The following PARN variants were observed in gnomAD, a reference collection of about 807,000 sequenced individuals.
PARN encodes poly(A)-specific ribonuclease PARN.
PARN carries 71 observed loss-of-function variants against 102.8 expected under a neutral mutation model. That is an observed-to-expected ratio of 0.69 (90% confidence interval 0.57 to 0.84). The LOEUF (loss-of-function observed/expected upper bound fraction) is 0.84, where lower values mean the gene tolerates loss of function less well. Ranked by LOEUF, PARN falls within the 40% of genes least tolerant of loss-of-function variation. The pLI, the probability that PARN is intolerant of heterozygous loss-of-function variation, is 0.00. For synonymous variants in PARN, 261 were observed against 252.9 expected, an observed-to-expected ratio of 1.03 and a Z score of -0.30; for missense variants, 782 against 760.9, an observed-to-expected ratio of 1.03 and a Z score of -0.33.
intron 23 of PARN, 35 bp from the exon 24 acceptor site, chr16:14,436,807 G>C (rs1408385767): frequency 4.0e-6 from 6 of 1,492,664 alleles, no homozygotes; most frequent in Non-Finnish European, 3.7e-6. Flanking sequence ...TGAACAGCAG[G>C]ACCAGGACGG....
intron 22 of PARN, among the ~76,000 whole-genome samples, chr16:14,451,867 T>TAAAAAAAAAAAAAAAAA (rs1567287329): frequency 8.4e-5 from 2 of 23,744 alleles, no homozygotes; most frequent in African/African-American, 1.9e-4. Context: ...AAAAAAAAAA[T>TAAAAAAAAAAAAAAAAA]ACAAAAAAAA....
chr16:14,581,869 C>T (rs957286354), intron 17 of PARN, among the ~76,000 whole-genome samples: 2 of 152,198 alleles, frequency 1.3e-5, no homozygotes, highest in African/African-American at 4.8e-5. Context: ...AACCACTGTA[C>T]TTCCAGCCTG....
intron 21 of PARN, among the ~76,000 whole-genome samples, chr16:14,528,614 C>A (rs1966138347): frequency 6.6e-6 from 1 of 152,196 alleles, no homozygotes; most frequent in Admixed American, 6.5e-5. Context: ...TCTGAATAGA[C>A]TGATGTGGGG....
At chr16:14,583,324 C>CA (rs1397489740) in intron 16 of PARN, among the ~76,000 whole-genome samples, 4 of 152,108 alleles carry the variant, frequency 2.6e-5, no homozygotes, top group Non-Finnish European at 5.9e-5. Context: ...AACACAGAAT[C>CA]AAAAGCATAA....
chr16:14,445,077 T>C (rs1431717312), intron 23 of PARN, among the ~76,000 whole-genome samples: 2 of 149,872 alleles, frequency 1.3e-5, no homozygotes, highest in Non-Finnish European at 3.0e-5. Context: ...ATCCTCCTGC[T>C]TCAGCTTCCC....
chr16:14,469,049 G>GGTGTGGGAC, intron 22 of PARN, among the ~76,000 whole-genome samples: 1 of 152,258 alleles, frequency 6.6e-6, no homozygotes, highest in South Asian at 2.1e-4. Flanking sequence ...TGTAATCCCA[G>GGTGTGGGAC]CACTTTGGGA....
intron 21 of PARN, among the ~76,000 whole-genome samples, chr16:14,530,355 C>T (rs1396281831): frequency 2.6e-5 from 4 of 152,126 alleles, no homozygotes; most frequent in African/African-American, 7.2e-5. Context: ...CACCAACACC[C>T]GCCACAGTGC....
intron 21 of PARN, among the ~76,000 whole-genome samples, chr16:14,525,320 A>G (rs572588828): frequency 6.6e-6 from 1 of 152,220 alleles, no homozygotes. Context: ...GAAGTTGTCC[A>G]AGACTCATCA....
intron 5 of PARN, among the ~76,000 whole-genome samples, chr16:14,622,661 C>G (rs1200133437): frequency 6.6e-6 from 1 of 152,188 alleles, no homozygotes; most frequent in Non-Finnish European, 1.5e-5. Flanking sequence ...CCCGCCCCCA[C>G]GCCTGGCTAA....
intron 18 of PARN, among the ~76,000 whole-genome samples, chr16:14,577,667 A>T (rs1416444907): frequency 6.6e-6 from 1 of 151,692 alleles, no homozygotes; most frequent in Non-Finnish European, 1.5e-5. Context: ...ACTTACTTAC[A>T]TTTATTTATT....
intron 2 of PARN, among the ~76,000 whole-genome samples, chr16:14,629,002 A>C (rs1165541733): frequency 6.6e-6 from 1 of 152,208 alleles, no homozygotes; most frequent in Admixed American, 6.5e-5. Context: ...GAAATATCTC[A>C]TTTATCTGCA....
At chr16:14,616,916 G>A (rs1971938205) in intron 6 of PARN, among the ~76,000 whole-genome samples, 1 of 152,070 alleles carries the variant, frequency 6.6e-6, no homozygotes, top group Non-Finnish European at 1.5e-5. Flanking sequence ...AGAAAACAAG[G>A]AAGCACTCCC....
intron 21 of PARN, among the ~76,000 whole-genome samples, chr16:14,522,439 T>A (rs185074831): frequency 3.8e-4 from 57 of 151,734 alleles, no homozygotes; most frequent in African/African-American, 1.2e-3. Flanking sequence ...ACCTGGGAGG[T>A]TGACGCAGGA....
chr16:14,529,605 T>C (rs1397484167), intron 21 of PARN, among the ~76,000 whole-genome samples: 4 of 152,098 alleles, frequency 2.6e-5, no homozygotes, highest in African/African-American at 4.8e-5. Context: ...TCCATCCCCC[T>C]GGCTGTGCAA....
intron 21 of PARN, among the ~76,000 whole-genome samples, chr16:14,503,257 T>A (rs1964715239): frequency 6.6e-6 from 1 of 152,132 alleles, no homozygotes; most frequent in Non-Finnish European, 1.5e-5. Context: ...AATGTCCACA[T>A]GAGGGTAGTT....
intron 18 of PARN, among the ~76,000 whole-genome samples, chr16:14,572,693 C>G (rs1162487439): frequency 6.6e-6 from 1 of 152,210 alleles, no homozygotes; most frequent in Admixed American, 6.5e-5. Flanking sequence ...ACACAATCAT[C>G]ATCTGATTTT....
rs1056427934 is a variant in PARN, at chr16:14,610,864, T to A, written c.389-55A>T. ...GCAGAAGTAACTGTCTAACATAAAATTTGTTTAACAAACCAAAGAGTCTAA... is the reference window on the plus strand; with the variant it reads ...GCAGAAGTAACTGTCTAACATAAAAATTGTTTAACAAACCAAAGAGTCTAA... On this transcript the variant is annotated intron_variant, in intron 6 of 23. Transcript: ENST00000437198. 3 of 1,277,714 alleles carry A rather than the reference T, an allele frequency of 2.3e-6. No individual in the cohort carries two copies. In the African/African-American group the frequency reaches 4.4e-5, roughly 19 times the overall value. 79.1% of individuals were successfully genotyped at this position (1,277,714 alleles called of 1,614,324 possible).
chr16:14,520,846 G>A (rs1965699389), intron 21 of PARN, among the ~76,000 whole-genome samples: 1 of 152,200 alleles, frequency 6.6e-6, no homozygotes, highest in Non-Finnish European at 1.5e-5. Context: ...AGTGGCTGAA[G>A]GGGTTGGGGG....
chr16:14,510,003 A>G (rs1385605937), intron 21 of PARN, among the ~76,000 whole-genome samples: 1 of 152,168 alleles, frequency 6.6e-6, no homozygotes, highest in Non-Finnish European at 1.5e-5. Flanking sequence ...ACCCAGAGCA[A>G]ACAAACAAAA....
Sources: allele counts gnomAD v4.1 joint callset (sites outside exome capture counted in the v4.1 genomes callset), GRCh38; gene constraint gnomAD v4.1.1; transcripts MANE v1.5; gene names NCBI Gene and HGNC (gene_info 2026-07-23, HGNC 2026-07-21).